The following ACOT1 variants were observed in gnomAD, a reference collection of about 807,000 sequenced individuals.
The protein encoded by ACOT1 is acyl-coenzyme A thioesterase 1.
In ACOT1, 8 loss-of-function variants were observed where a neutral mutation model predicts 15.7. The ratio of observed to expected loss-of-function variants is 0.51; its 90% CI spans 0.30 to 0.92. The LOEUF (loss-of-function observed/expected upper bound fraction) is 0.92. ACOT1 is among the 40% of genes least tolerant of loss of function. The pLI is 0.06. For missense variants in ACOT1, 151 were observed against 539.4 expected (o/e 0.28, Z 7.13); for synonymous variants, 67 against 241.2 (o/e 0.28, Z 6.69).
chr14:73,491,363 C>T, the ACOT1 span: 1 of 1,376,270 alleles, frequency 7.3e-7, no homozygotes, highest in Non-Finnish European at 9.3e-7. Flanking sequence ...GCGCTCCCTG[C>T]AGACCCCGTC....
chr14:73,496,100 A>G, the ACOT1 span, among the ~76,000 whole-genome samples: 1 of 152,224 alleles, frequency 6.6e-6, no homozygotes, highest in African/African-American at 2.4e-5. Context: ...ACTGCACTCC[A>G]GCCTGGGCGA....
chr14:73,493,429 G>A, the ACOT1 span: 221 of 299,300 alleles, frequency 7.4e-4, 1 homozygote, highest in African/African-American at 4.3e-3. Flanking sequence ...ATGTGGGATG[G>A]TTCGAAGAAA....
At chr14:73,535,469 C>CTTTTTT (rs869167008), upstream of ACOT1, among the ~76,000 whole-genome samples, 70 of 16,514 alleles carry the variant, frequency 4.2e-3, 8 homozygotes, top group Middle Eastern at 0.11. Flanking sequence ...TTTCTTCTTT[C>CTTTTTT]TTTTTTTTTT....
chr14:73,525,608 A>G, the ACOT1 span, among the ~76,000 whole-genome samples: 1 of 152,186 alleles, frequency 6.6e-6, no homozygotes, highest in Non-Finnish European at 1.5e-5. Context: ...AGACCCCTCC[A>G]GCGATTGTCT....
the ACOT1 span, chr14:73,523,171 C>G: frequency 6.4e-7 from 1 of 1,552,414 alleles, no homozygotes; most frequent in Non-Finnish European, 8.7e-7. Flanking sequence ...CCAGCAAATG[C>G]TTCCTTCCAC....
the ACOT1 span, chr14:73,491,080 G>T: frequency 1.3e-6 from 2 of 1,598,096 alleles, no homozygotes; most frequent in African/African-American, 1.4e-5. Flanking sequence ...GCCGGCGCAA[G>T]CCCCAGCCAC....
At chr14:73,495,980 A>T in the ACOT1 span, among the ~76,000 whole-genome samples, 2 of 152,186 alleles carry the variant, frequency 1.3e-5, no homozygotes, top group Non-Finnish European at 2.9e-5. Flanking sequence ...ATACAAAAAA[A>T]TTAGTTGGGT....
At chr14:73,528,392 C>CAAAAAAAAAA in the ACOT1 span, among the ~76,000 whole-genome samples, 5 of 88,494 alleles carry the variant, frequency 5.7e-5, no homozygotes, top group Admixed American at 1.5e-4. Flanking sequence ...AACTTCATCT[C>CAAAAAAAAAA]AAAAAAAAAA....
chr14:73,493,092 C>G, the ACOT1 span: 1 of 1,610,136 alleles, frequency 6.2e-7, no homozygotes, highest in Non-Finnish European at 8.5e-7. Context: ...GTGTCACAAA[C>G]CTCGGAAGGT....
At chr14:73,525,934 C>T in the ACOT1 span, among the ~76,000 whole-genome samples, 1 of 138,994 alleles carries the variant, frequency 7.2e-6, no homozygotes, top group African/African-American at 2.7e-5. Context: ...GCCTGGGTGA[C>T]AGAGTGAGAC....
the ACOT1 span, among the ~76,000 whole-genome samples, chr14:73,508,624 C>T: frequency 1.8e-4 from 27 of 151,838 alleles, no homozygotes; most frequent in Non-Finnish European, 2.9e-4. Flanking sequence ...TGGCATGCGC[C>T]TGTAATCCCA....
chr14:73,524,386 T>C, the ACOT1 span, among the ~76,000 whole-genome samples: 1 of 148,100 alleles, frequency 6.8e-6, no homozygotes, highest in Non-Finnish European at 1.5e-5. Context: ...TGACTCTTCA[T>C]GAATTATTGG....
At chr14:73,493,619 C>G in the ACOT1 span, among the ~76,000 whole-genome samples, 2 of 152,104 alleles carry the variant, frequency 1.3e-5, no homozygotes, top group Admixed American at 1.3e-4. Context: ...GGGTGGATCA[C>G]CTGAGGTCAG....
chr14:73,498,221 T>TG, the ACOT1 span: 4 of 1,614,052 alleles, frequency 2.5e-6, no homozygotes, highest in Non-Finnish European at 3.4e-6. Flanking sequence ...CCGGTCCCCT[T>TG]GAAGTTTCAG....
intron 2 of ACOT1, 136 bp downstream of exon 2, chr14:73,541,831 T>A: frequency 1.7e-6 from 1 of 603,858 alleles, no homozygotes; most frequent in Non-Finnish European, 2.6e-6. Flanking sequence ...AGTCACTTCT[T>A]ATAGACAGTT....
chr14:73,524,310 A>AAAAATAT, the ACOT1 span, among the ~76,000 whole-genome samples: 3,099 of 54,472 alleles, frequency 0.057, 143 homozygotes, highest in Non-Finnish European at 0.073. Context: ...AAAAAAAAAA[A>AAAAATAT]ATATATATAT....
chr14:73,495,507 C>CTGTG, the ACOT1 span: 1 of 779,942 alleles, frequency 1.3e-6, no homozygotes, highest in East Asian at 2.7e-5. Context: ...CACTTGAGCC[C>CTGTG]AACAGTTCAA....
the ACOT1 span, chr14:73,523,233 G>A: frequency 3.7e-6 from 5 of 1,356,620 alleles, no homozygotes; most frequent in African/African-American, 1.5e-5. Context: ...ACCTGTTAAG[G>A]GAATGGGAGG....
the ACOT1 span, chr14:73,492,792 CT>C: frequency 6.2e-7 from 1 of 1,613,978 alleles, no homozygotes; most frequent in Non-Finnish European, 8.5e-7. This position sits in a 1 kb window ranked among gnomAD's most constrained non-coding sequence, Gnocchi z 4.9. Context: ...CCCCAGCAAG[CT>C]GATGCCATGG....
Sources: gnomAD v4.1 joint callset for allele counts (sites outside exome capture counted in the v4.1 genomes callset) on GRCh38, gnomAD v4.1.1 for gene constraint, Gnocchi (gnomAD v3.1) non-coding constraint, MANE v1.5 for transcripts, NCBI Gene and HGNC (gene_info 2026-07-23, HGNC 2026-07-21) for gene names.